ZNF462: variants seen among roughly 807,000 people sequenced by gnomAD.
ZNF462 encodes the protein zinc finger PBX1-interacting protein.
In ZNF462, 10 loss-of-function variants were observed where a neutral mutation model predicts 201.9. That is an observed-to-expected ratio of 0.05 (90% CI 0.03 to 0.08). The LOEUF is 0.08. Among genes scored for constraint, ZNF462 ranks in the 10% least tolerant of loss-of-function variants. The pLI, the probability that ZNF462 is intolerant of heterozygous loss-of-function variation, is 1.00. For synonymous variants in ZNF462, 1,227 were observed against 1,193.3 expected (o/e 1.03, Z -0.58); for missense variants, 2,523 against 3,168.3 (o/e 0.80, Z 4.89).
intron 1 of ZNF462, among the ~76,000 whole-genome samples, chr9:106,882,700 G>C (rs1564074859): frequency 6.6e-6 from 1 of 152,188 alleles, no homozygotes; most frequent in Non-Finnish European, 1.5e-5. Context: ...CATTGGATAA[G>C]AAAAATTCAA....
Position 106,870,498 on chromosome 9 carries a change from T to C in ZNF462, c.-31+7143T>C, listed in dbSNP as rs979327784. ...TGAAAGGAAGTTTGACAGGTACTTA[T>C]TTGTTCAAAAAATAAATACTTGAAG... On this transcript the variant is annotated intron_variant, in intron 1 of 12. Coordinates refer to ENST00000277225, the MANE Select transcript of ZNF462 (RefSeq NM_021224.6). The surrounding 1 kb of genome is among the most constrained non-coding windows in gnomAD (Gnocchi z 4.3). 6.6e-6 allele frequency among the ~76,000 whole-genome samples: 1 copy of C among 152,202 alleles called. No homozygotes were observed. The highest frequency in any genetic ancestry group is 1.5e-5 in the Non-Finnish European group (1 of 68,038).
chr9:106,947,266 G>A (rs1385910964), intron 7 of ZNF462, among the ~76,000 whole-genome samples: 1 of 152,176 alleles, frequency 6.6e-6, no homozygotes, highest in Non-Finnish European at 1.5e-5. Context: ...CACACTGCTT[G>A]TGGAGAAGTC....
At position 106,890,958 on chromosome 9, in the gene ZNF462, A is replaced by G. The variant is rs1487096853; in HGVS notation, c.-31+27603A>G. Among the ~76,000 whole-genome samples, 19 of 152,244 alleles carry G rather than the reference A, an allele frequency of 1.2e-4. No individual in the cohort carries two copies. Among genetic ancestry groups the G allele is most frequent in the Admixed American group, 9.2e-4 (14 of 15,288 alleles). On this transcript the variant is annotated intron_variant, in intron 1 of 12. Coordinates refer to ENST00000277225, the MANE Select transcript of ZNF462 (RefSeq NM_021224.6). The surrounding 1 kb of genome is among the most constrained non-coding windows in gnomAD (Gnocchi z 4.2). ...TTGTACCTTTCTGGTTGAGTAAAGA[A>G]TAAGATAGTCTTTTTCTTTTTTGGA... is the stretch of plus-strand genomic sequence containing the variant.
At position 106,928,300 on chromosome 9, in the gene ZNF462, C is replaced by G; in HGVS notation, c.4388C>G (p.Pro1463Arg). 1 of 1,614,126 alleles carries G rather than the reference C, an allele frequency of 6.2e-7. No homozygotes were observed. The change falls in exon 3 of 13, where the codon CCC becomes CGC. Residue 1463 changes from proline (P) to arginine (R), a missense_variant. By Grantham distance (103) the Pro-to-Arg change is moderately radical. Around this residue, in one of 15 missense-constraint regions of ZNF462, gnomAD observed 165 missense variants for 142.6 expected, o/e 1.16. Transcript: ENST00000277225. This position sits in a 1 kb window ranked among gnomAD's most constrained non-coding sequence, Gnocchi z 9.3. ...EKSLQLASAN[P>R]AISSTPYQCT... is the part of the protein sequence containing the mutation. Reference sequence around the variant, plus strand: ...AGCCTGCAGCTAGCTTCAGCCAACCCCGCCATATCCTCCACCCCATACCAG... The same window carrying G: ...AGCCTGCAGCTAGCTTCAGCCAACCGCGCCATATCCTCCACCCCATACCAG...
rs1176081139 is a variant in ZNF462, at chr9:106,890,724, G to C, written c.-31+27369G>C. Among the ~76,000 whole-genome samples, 1 of 152,166 alleles carries C rather than the reference G, an allele frequency of 6.6e-6. No individual in the cohort carries two copies. The highest frequency in any genetic ancestry group is 1.5e-5 in the Non-Finnish European group (1 of 68,028). ...TCCCTGCCTTTGTCCTCTGCTCTAA[G>C]GCTCATGTCACTCGCATCATGCTGT... is the stretch of plus-strand genomic sequence containing the variant. On this transcript the variant is annotated intron_variant, in intron 1 of 12. Coordinates refer to ENST00000277225, the MANE Select transcript of ZNF462 (RefSeq NM_021224.6). This position sits in a 1 kb window ranked among gnomAD's most constrained non-coding sequence, Gnocchi z 4.2.
intron 10 of ZNF462, among the ~76,000 whole-genome samples, chr9:106,987,116 G>T (rs369612055): frequency 1.3e-5 from 2 of 152,224 alleles, no homozygotes; most frequent in East Asian, 3.9e-4. Context: ...GAATTGTGCT[G>T]CTATAAACAT....
rs768040291 is a variant in ZNF462, at chr9:107,003,284, C to A, written c.7057-10C>A. 2.5e-6 allele frequency: 4 copies of A among 1,613,146 alleles called. No homozygotes were observed. Among genetic ancestry groups the A allele is most frequent in the Non-Finnish European group, 3.4e-6 (4 of 1,179,490 alleles). On this transcript the variant is annotated splice_polypyrimidine_tract_variant and intron_variant, in intron 10 of 12. Transcript: ENST00000277225. The surrounding 1 kb of genome is among the most constrained non-coding windows in gnomAD (Gnocchi z 4.4). ...TTTATTATTCCATCATTTGTTTGGGCCTTTTTCAGGTAAGCCGTAACTTTG... is the reference window on the plus strand; with the variant it reads ...TTTATTATTCCATCATTTGTTTGGGACTTTTTCAGGTAAGCCGTAACTTTG...
At chr9:106,980,500 G>A (rs1184281318) in intron 9 of ZNF462, among the ~76,000 whole-genome samples, 1 of 152,130 alleles carries the variant, frequency 6.6e-6, no homozygotes, top group Non-Finnish European at 1.5e-5. Flanking sequence ...CTCTGCAGTG[G>A]TGTGGTTTCT....
At chr9:106,864,410 A>G (rs1302417325) in intron 1 of ZNF462, among the ~76,000 whole-genome samples, 1 of 152,076 alleles carries the variant, frequency 6.6e-6, no homozygotes, top group Non-Finnish European at 1.5e-5. Flanking sequence ...TGCAGTTCCC[A>G]GGGGTCTGCC....
chr9:106,866,908 G>A (rs1374537118), intron 1 of ZNF462, among the ~76,000 whole-genome samples: 4 of 152,126 alleles, frequency 2.6e-5, no homozygotes, highest in Admixed American at 2.0e-4. Context: ...AAACTTTCAT[G>A]ATATCTTTTT....
In ZNF462 at chr9:107,003,497, G is replaced by A. The variant is rs974165626; in HGVS notation, c.7189+71G>A. 1.2e-5 allele frequency: 19 copies of A among 1,570,324 alleles called. No individual in the cohort carries two copies. Among genetic ancestry groups the A allele is most frequent in the Middle Eastern group, 2.2e-4 (1 of 4,626 alleles). Reference sequence around the variant, plus strand: ...TCCGTAGTGAGACAGAAGGGAGGCAGGAGGTTGTTGTAGGAGTAACAGAAG... The same window carrying A: ...TCCGTAGTGAGACAGAAGGGAGGCAAGAGGTTGTTGTAGGAGTAACAGAAG... On this transcript the variant is annotated intron_variant, in intron 11 of 12. Transcript: ENST00000277225. The surrounding 1 kb of genome is among the most constrained non-coding windows in gnomAD (Gnocchi z 4.4).
At position 107,010,989 on chromosome 9, in the gene ZNF462, G is replaced by A. The variant is rs532544188; in HGVS notation, c.7480G>A (p.Asp2494Asn). ...ETVAICVVTA[D>N]KSLLENAEAK... ...AGTAGCCATCTGTGTAGTAACTGCC[G>A]ACAAATCTCTCCTGGAGAATGCAGA... is the stretch of plus-strand genomic sequence containing the variant. The change falls in exon 13 of 13, where the codon GAC (aspartate) becomes AAC (asparagine). Residue 2494 changes from aspartate to asparagine, a missense_variant. Coordinates refer to ENST00000277225, the MANE Select transcript of ZNF462 (RefSeq NM_021224.6). The surrounding 1 kb of genome is among the most constrained non-coding windows in gnomAD (Gnocchi z 4.6). The A allele has an allele frequency of 4.6e-5, 75 of 1,613,642 alleles. No individual in the cohort carries two copies. Among genetic ancestry groups the A allele is most frequent in the African/African-American group, 1.6e-4 (12 of 74,998 alleles).
chr9:106,922,247 T>C (rs1374379741), intron 1 of ZNF462, among the ~76,000 whole-genome samples: 1 of 152,218 alleles, frequency 6.6e-6, no homozygotes, highest in Non-Finnish European at 1.5e-5. Flanking sequence ...CTGAAGTAAC[T>C]TACTCATTAG....
At position 106,978,358 on chromosome 9, in the gene ZNF462, A is replaced by G. The variant is rs748532546; in HGVS notation, c.6832+4085A>G. The stretch of plus-strand genomic sequence containing the variant: ...AGAATAGGAAGCATACCAGAGAAGT[A>G]TGTTCTGGCCAAAGTATGAAGCGCC... On this transcript the variant is annotated intron_variant, in intron 9 of 12. Coordinates refer to ENST00000277225, the MANE Select transcript of ZNF462 (RefSeq NM_021224.6). The surrounding 1 kb of genome is among the most constrained non-coding windows in gnomAD (Gnocchi z 4.1). Among the ~76,000 whole-genome samples, 20 of 151,654 alleles carry G rather than the reference A, an allele frequency of 1.3e-4. No homozygotes were observed. The highest frequency in any genetic ancestry group is 9.2e-4 in the Admixed American group (14 of 15,272).
intron 1 of ZNF462, among the ~76,000 whole-genome samples, chr9:106,871,110 A>G (rs1212363629): frequency 3.3e-5 from 5 of 152,240 alleles, no homozygotes; most frequent in Non-Finnish European, 5.9e-5. Context: ...GTTCAGTGGC[A>G]CAATGTGGGA....
chr9:106,972,148 C>T lies in ZNF462; in HGVS notation c.6571C>T (p.Leu2191Phe), dbSNP rs778758864. The T allele has an allele frequency of 5.0e-6, 8 of 1,614,108 alleles. No homozygotes were observed. The highest frequency in any genetic ancestry group is 6.8e-6 in the Non-Finnish European group (8 of 1,180,048). ...CACTGAGCAGAAAACTGAAGCCGTG[C>T]TTCACTGCGAATTCTGTGAATTCTC... ...AGTEQKTEAVLHCEFCEFSSG... is the reference protein window; with the variant it reads ...AGTEQKTEAVFHCEFCEFSSG... The change falls in exon 8 of 13, where the codon CTT becomes TTT. Residue 2191 changes from leucine (L) to phenylalanine (F), a missense_variant. Leu to Phe is a conservative substitution (Grantham distance 22). Around this residue, in one of 15 missense-constraint regions of ZNF462, gnomAD observed 228 missense variants for 361.2 expected, o/e 0.63. Coordinates refer to ENST00000277225, the MANE Select transcript of ZNF462 (RefSeq NM_021224.6). This position sits in a 1 kb window ranked among gnomAD's most constrained non-coding sequence, Gnocchi z 4.8.
At chr9:106,943,059 C>CGCGCGCGCGCGT (rs374167214) in intron 7 of ZNF462, among the ~76,000 whole-genome samples, 124 of 143,240 alleles carry the variant, frequency 8.7e-4, no homozygotes, top group African/African-American at 3.2e-3. Context: ...TTTGCGCGCG[C>CGCGCGCGCGCGT]GTGTGTGTGT....
At chr9:106,921,897 A>C (rs1273223773) in intron 1 of ZNF462, among the ~76,000 whole-genome samples, 1 of 152,222 alleles carries the variant, frequency 6.6e-6, no homozygotes, top group Non-Finnish European at 1.5e-5. Context: ...TCTGGTGCAC[A>C]GTTCAATGTT....
chr9:106,945,382 C>CAGAT (rs1396761730), intron 7 of ZNF462, among the ~76,000 whole-genome samples: 2 of 152,070 alleles, frequency 1.3e-5, no homozygotes, highest in Non-Finnish European at 2.9e-5. Flanking sequence ...AGAAGCTTTT[C>CAGAT]AGATATCTAA....
Sources: allele counts gnomAD v4.1 joint callset (sites outside exome capture counted in the v4.1 genomes callset), GRCh38; gene constraint gnomAD v4.1.1; regional missense constraint gnomAD v4.1.1; non-coding constraint Gnocchi (gnomAD v3.1); transcripts MANE v1.5; gene names NCBI Gene and HGNC (gene_info 2026-07-23, HGNC 2026-07-21).